MARCHF10: variants seen among roughly 807,000 people sequenced by gnomAD.
MARCHF10 encodes membrane associated ring-CH-type finger 10.
MARCHF10 carries 64 observed loss-of-function variants against 76.2 expected under a neutral mutation model. The ratio of observed to expected loss-of-function variants is 0.84; its 90% CI spans 0.69 to 1.03. The LOEUF is 1.03. MARCHF10 is among the 50% of genes least tolerant of loss of function. The pLI is 0.00. For synonymous variants in MARCHF10, 340 were observed against 357.5 expected, an observed-to-expected ratio of 0.95 and a Z score of 0.55; for missense variants, 875 against 958.0, an observed-to-expected ratio of 0.91 and a Z score of 1.14.
At chr17:62,767,316 A>G (rs1432618314) in intron 3 of MARCHF10, among the ~76,000 whole-genome samples, 1 of 152,204 alleles carries the variant, frequency 6.6e-6, no homozygotes, top group Non-Finnish European at 1.5e-5. Context: ...ATTTTTGTAA[A>G]GCATAATTCT....
At chr17:62,792,921 C>G (rs1234472893) in intron 2 of MARCHF10, among the ~76,000 whole-genome samples, 3 of 147,862 alleles carry the variant, frequency 2.0e-5, no homozygotes, top group Non-Finnish European at 3.0e-5. Context: ...ACCACCACAA[C>G]CATTACCACC....
chr17:62,802,420 G>A (rs574797505), intron 1 of MARCHF10, among the ~76,000 whole-genome samples: 2 of 152,052 alleles, frequency 1.3e-5, no homozygotes, highest in South Asian at 2.1e-4. Context: ...GGGTTTCATC[G>A]TGTTGGCCGG....
chr17:62,780,244 A>G (rs955398103), intron 3 of MARCHF10, among the ~76,000 whole-genome samples: 2 of 152,230 alleles, frequency 1.3e-5, no homozygotes, highest in Non-Finnish European at 2.9e-5. Flanking sequence ...TAATGGCCAC[A>G]TGTGCCTAGT....
At chr17:62,782,651 C>T (rs922892541) in intron 3 of MARCHF10, among the ~76,000 whole-genome samples, 8 of 152,152 alleles carry the variant, frequency 5.3e-5, no homozygotes, top group African/African-American at 1.9e-4. Flanking sequence ...GGCCAAACGA[C>T]TGTATTTTAA....
chr17:62,771,015 C>T (rs1224494133), intron 3 of MARCHF10, among the ~76,000 whole-genome samples: 1 of 151,976 alleles, frequency 6.6e-6, no homozygotes, highest in Non-Finnish European at 1.5e-5. Context: ...GCCACCATGC[C>T]TGGCTAATTT....
chr17:62,740,532 C>T (rs1436824440), intron 5 of MARCHF10, among the ~76,000 whole-genome samples: 3 of 152,130 alleles, frequency 2.0e-5, no homozygotes, highest in African/African-American at 7.2e-5. Flanking sequence ...AAATAAAAAT[C>T]CCCCATAATC....
At position 62,714,539 on chromosome 17, in the gene MARCHF10, C is replaced by T. The variant is rs373169638; in HGVS notation, c.2215-3195G>A. The stretch of plus-strand genomic sequence containing the variant: ...TCTTGTTTGCTCCTGACTCCTAGTG[C>T]CTGGCCCAGTGCCTGGTATACTGTG... On this transcript the variant is annotated intron_variant, in intron 8 of 10. Transcript: ENST00000311269. 3.1e-5 allele frequency: 10 copies of T among 326,754 alleles called. 1 individual carries two copies. Among genetic ancestry groups the T allele is most frequent in the East Asian group, 3.3e-4 (2 of 5,972 alleles). The allele number at this position is 326,754 out of a possible 1,614,324, so 20.2% of individuals were successfully genotyped here.
At chr17:62,753,253 C>T (rs969860583) in intron 4 of MARCHF10, among the ~76,000 whole-genome samples, 8 of 152,154 alleles carry the variant, frequency 5.3e-5, no homozygotes, top group South Asian at 2.1e-4. Context: ...ATTACAGGTG[C>T]GCACCACTAC....
At chr17:62,751,954 A>G (rs1211378320) in intron 4 of MARCHF10, among the ~76,000 whole-genome samples, 2 of 151,724 alleles carry the variant, frequency 1.3e-5, no homozygotes, top group Non-Finnish European at 2.9e-5. Flanking sequence ...TGGGAGGCAG[A>G]GGTTTCAGTG....
chr17:62,711,414 G>C lies in MARCHF10; in HGVS notation c.2215-70C>G. The C allele has an allele frequency of 7.0e-7, 1 of 1,435,976 alleles. No individual in the cohort carries two copies. The highest frequency in any genetic ancestry group is 1.7e-4 in the Middle Eastern group (1 of 5,742). 89.0% of individuals were successfully genotyped at this position (1,435,976 alleles called of 1,614,324 possible). A position where few individuals can be genotyped will look rare whatever the true frequency, so the allele number is the denominator to read the frequency against. On this transcript the variant is annotated intron_variant, in intron 8 of 10. Transcript: ENST00000311269. This position sits in a 1 kb window ranked among gnomAD's most constrained non-coding sequence, Gnocchi z 4.4. ...CATGGTCTAAATTGTGGGATGCAGG[G>C]TAACAAGGCTAAGAGGTGACAAGAA...
chr17:62,736,329 C>T lies in MARCHF10; in HGVS notation c.1539G>A (p.Leu513=). ...ATGGAGTCCTATTTCTAATGGGAGACAGTGGTTGGCAAACATGAAACCCTG... is the reference window on the plus strand; with the variant it reads ...ATGGAGTCCTATTTCTAATGGGAGATAGTGGTTGGCAAACATGAAACCCTG... ...GNSGFHVCQP[L]SPIRNRTPFA... is the part of the protein sequence containing the mutation. Residue 513 remains leucine, a synonymous_variant, in exon 6 of 11, where the codon CTG becomes CTA. Coordinates refer to ENST00000311269, the MANE Select transcript of MARCHF10 (RefSeq NM_152598.4). 6 of 1,614,172 alleles carry T rather than the reference C, an allele frequency of 3.7e-6. No individual in the cohort carries two copies. The highest frequency in any genetic ancestry group is 3.4e-6 in the Non-Finnish European group (4 of 1,180,034).
chr17:62,701,930 C>A (rs558487726), intron 10 of MARCHF10, among the ~76,000 whole-genome samples, 172 bp from the exon 11 acceptor site: 1 of 152,148 alleles, frequency 6.6e-6, no homozygotes, highest in African/African-American at 2.4e-5. Context: ...AGTCTGGGGC[C>A]GGGGAATCCA....
Position 62,701,708 on chromosome 17 carries a change from C to T in MARCHF10, c.2422G>A (p.Val808Ile), listed in dbSNP as rs755150781. 16 of 1,614,014 alleles carry T rather than the reference C, an allele frequency of 9.9e-6. No homozygotes were observed. The highest frequency in any genetic ancestry group is 2.2e-5 in the South Asian group (2 of 91,092). Reference protein sequence around the residue: ...NEGSISQSQVV With the variant: ...NEGSISQSQVI Reference sequence around the variant, plus strand: ...CTCCACAGTTGGCTTCCTTGCTAGACGACCTGGCTTTGAGAAATGCTGCCT... The same window carrying T: ...CTCCACAGTTGGCTTCCTTGCTAGATGACCTGGCTTTGAGAAATGCTGCCT... Residue 808 changes from valine to isoleucine, a missense_variant, in exon 11 of 11, where the codon GTC becomes ATC. Coordinates refer to ENST00000311269, the MANE Select transcript of MARCHF10 (RefSeq NM_152598.4).
intron 5 of MARCHF10, among the ~76,000 whole-genome samples, chr17:62,742,630 G>C (rs2091554042): frequency 6.6e-6 from 1 of 152,004 alleles, no homozygotes; most frequent in African/African-American, 2.4e-5. Flanking sequence ...CCATCCGTGG[G>C]TCCAGGAACA....
At chr17:62,748,224 C>T (rs1464461317) in intron 4 of MARCHF10, among the ~76,000 whole-genome samples, 3 of 152,024 alleles carry the variant, frequency 2.0e-5, no homozygotes, top group Admixed American at 2.0e-4. Context: ...AGTGAAACCC[C>T]GTCTCTACTA....
rs927911564 is a variant in MARCHF10 at position 62,736,001 on chromosome 17, C to T, written c.1867G>A (p.Gly623Ser). ...NDNGSRMAAS[G>S]FTDEKETSKI... ...CTGGTTTCCTTTTCATCTGTGAAACCAGAGGCTGCCATCCTGCTCCCATTA... is the reference window on the plus strand; with the variant it reads ...CTGGTTTCCTTTTCATCTGTGAAACTAGAGGCTGCCATCCTGCTCCCATTA... The change falls in exon 6 of 11, where the codon GGT (glycine) becomes AGT (serine). Residue 623 changes from glycine to serine, a missense_variant. Gly to Ser is a moderately conservative substitution (Grantham distance 56). Coordinates refer to ENST00000311269, the MANE Select transcript of MARCHF10 (RefSeq NM_152598.4). 1.2e-6 allele frequency: 2 copies of T among 1,613,794 alleles called. No individual in the cohort carries two copies. Among genetic ancestry groups the T allele is most frequent in the East Asian group, 2.2e-5 (1 of 44,890 alleles).
In MARCHF10 at chr17:62,738,067, C is replaced by CACAA. The variant is rs997450218; in HGVS notation, c.536-736_536-735insTTGT. 6.7e-6 allele frequency: 1 copy of CACAA among 149,316 alleles called. No individual in the cohort carries two copies. The highest frequency in any genetic ancestry group is 1.5e-5 in the Non-Finnish European group (1 of 67,884). The allele number at this position is 149,316 out of a possible 1,614,324, so 9.2% of individuals were successfully genotyped here. A position where few individuals can be genotyped will look rare whatever the true frequency, so the allele number is the denominator to read the frequency against. On this transcript the variant is annotated intron_variant, in intron 5 of 10. Transcript: ENST00000311269. The surrounding 1 kb of genome is among the most constrained non-coding windows in gnomAD (Gnocchi z 4.0). The stretch of plus-strand genomic sequence containing the variant: ...TCTCTCTGTCTCTCTCTGTCACACA[C>CACAA]ACACACACACACACACACACACACA...
chr17:62,769,032 T>C (rs1406606897), intron 3 of MARCHF10, among the ~76,000 whole-genome samples: 1 of 152,252 alleles, frequency 6.6e-6, no homozygotes, highest in Non-Finnish European at 1.5e-5. Flanking sequence ...AGCTGTCTCA[T>C]AGAATGTCTT....
At chr17:62,790,468 A>C (rs2092823841) in intron 2 of MARCHF10, among the ~76,000 whole-genome samples, 1 of 152,188 alleles carries the variant, frequency 6.6e-6, no homozygotes, top group South Asian at 2.1e-4. Flanking sequence ...GAGCCGCCAC[A>C]CCCAGCCCAG....
Sources: gnomAD v4.1 joint callset for allele counts (sites outside exome capture counted in the v4.1 genomes callset) on GRCh38, gnomAD v4.1.1 for gene constraint, Gnocchi (gnomAD v3.1) non-coding constraint, MANE v1.5 for transcripts, NCBI Gene and HGNC (gene_info 2026-07-23, HGNC 2026-07-21) for gene names.